Variants in HGF observed in about 807,000 individuals in gnomAD.
HGF encodes the protein hepatocyte growth factor.
HGF carries 39 observed loss-of-function variants against 111.6 expected under a neutral mutation model. The ratio of observed to expected loss-of-function variants is 0.35; its 90% CI spans 0.27 to 0.46. The LOEUF (loss-of-function observed/expected upper bound fraction) is 0.46, where lower values mean the gene tolerates loss of function less well. Ranked by LOEUF, HGF falls within the 20% of genes least tolerant of loss-of-function variation. The probability of loss-of-function intolerance (pLI) is 1.00; values close to 1 mark genes in which losing one functional copy is unlikely to be tolerated. For synonymous variants in HGF, 285 were observed against 294.8 expected (o/e 0.97, Z 0.34); for missense variants, 735 against 910.5 (o/e 0.81, Z 2.48).
intron 7 of HGF, among the ~76,000 whole-genome samples, chr7:81,734,795 G>A (rs993872048): frequency 6.6e-6 from 1 of 152,088 alleles, no homozygotes; most frequent in Non-Finnish European, 1.5e-5. Flanking sequence ...TGAATGATAA[G>A]TAAATGCTTA....
chr7:81,706,976 A>C (rs1789444583), intron 14 of HGF, among the ~76,000 whole-genome samples: 1 of 151,228 alleles, frequency 6.6e-6, no homozygotes, highest in Admixed American at 6.6e-5. Context: ...ACAATTTAGA[A>C]AAAAAAAAGA....
chr7:81,764,186 C>T (rs1219580273), intron 1 of HGF, among the ~76,000 whole-genome samples: 1 of 152,060 alleles, frequency 6.6e-6, no homozygotes, highest in Non-Finnish European at 1.5e-5. Context: ...AAAATGCCAT[C>T]ATACTCTAAG....
intron 14 of HGF, among the ~76,000 whole-genome samples, 193 bp from the exon 15 acceptor site, chr7:81,706,620 G>A (rs1385573895): frequency 6.6e-6 from 1 of 151,884 alleles, no homozygotes; most frequent in African/African-American, 2.4e-5. Flanking sequence ...GCAGAAAGAG[G>A]CTTTAAATTG....
At chr7:81,745,144 G>A (rs2116047634) in intron 5 of HGF, 24 bp from the exon 6 acceptor site, 1 of 1,612,338 alleles carries the variant, frequency 6.2e-7, no homozygotes. Context: ...AGTATGGCAT[G>A]TTAATTGTTT....
At chr7:81,720,976 T>C in intron 9 of HGF, 129 bp from the exon 10 acceptor site, 1 of 658,636 alleles carries the variant, frequency 1.5e-6, no homozygotes. Context: ...CTGGGTGCGG[T>C]GGCTCACGCC....
At chr7:81,759,836 A>G (rs913940979) in intron 2 of HGF, among the ~76,000 whole-genome samples, 3 of 152,226 alleles carry the variant, frequency 2.0e-5, no homozygotes, top group Admixed American at 2.0e-4. Flanking sequence ...AACATCTTAA[A>G]GAAAGTTATG....
chr7:81,719,966 G>A (rs994048989), intron 10 of HGF, among the ~76,000 whole-genome samples: 1 of 152,250 alleles, frequency 6.6e-6, no homozygotes, highest in East Asian at 1.9e-4. Flanking sequence ...TTGATCAAAT[G>A]ACTGTAACTT....
chr7:81,736,343 A>T (rs1480182704), intron 7 of HGF, among the ~76,000 whole-genome samples: 1 of 152,102 alleles, frequency 6.6e-6, no homozygotes, highest in Non-Finnish European at 1.5e-5. Flanking sequence ...TTAGTCACTT[A>T]GTAGCCTTCT....
Position 81,702,755 on chromosome 7 carries a change from C to T in HGF, c.2013G>A (p.Gly671=). The T allele has an allele frequency of 6.2e-7, 1 of 1,609,780 alleles. No homozygotes were observed. Among genetic ancestry groups the T allele is most frequent in the African/African-American group, 1.3e-5 (1 of 74,566 alleles). Residue 671 remains glycine, a splice_region_variant and synonymous_variant, in exon 18 of 18, where the codon GGG becomes GGA. Transcript: ENST00000222390. ...AEKIGSGPCE[G]DYGGPLVCEQ... ...CACAAACAAGTGGGCCACCATAATC[C>T]CCCTAGGAGTAAGACATACAAAAAC...
chr7:81,724,963 T>C (rs1246516428), intron 9 of HGF, among the ~76,000 whole-genome samples: 2 of 152,190 alleles, frequency 1.3e-5, no homozygotes, highest in Non-Finnish European at 2.9e-5. Flanking sequence ...CAATGGTGAT[T>C]TCCCTCAAAC....
chr7:81,700,126 A>T lies in HGF; in HGVS notation c.*2455T>A, dbSNP rs1394048529. The T allele has an allele frequency of 6.6e-6, 1 of 151,748 alleles. No homozygotes were observed. Among genetic ancestry groups the T allele is most frequent in the East Asian group, 1.9e-4 (1 of 5,182 alleles). 9.4% of individuals were successfully genotyped at this position (151,748 alleles called of 1,614,324 possible). A position where few individuals can be genotyped will look rare whatever the true frequency, so the allele number is the denominator to read the frequency against. On this transcript the variant is annotated 3_prime_UTR_variant, in exon 18 of 18. Coordinates refer to ENST00000222390, the MANE Select transcript of HGF (RefSeq NM_000601.6). ...GCATTGAAACCTTCTGATTTAAAAG[A>T]TCCTTTTGTCAATGACACAAAATAA...
intron 7 of HGF, among the ~76,000 whole-genome samples, chr7:81,730,544 T>C (rs1787614843): frequency 6.6e-6 from 1 of 152,166 alleles, no homozygotes; most frequent in South Asian, 2.1e-4. Flanking sequence ...AAAAAATCAG[T>C]TATTCCTAGG....
intron 11 of HGF, 142 bp downstream of exon 11, chr7:81,717,090 G>A: frequency 1.3e-6 from 1 of 745,002 alleles, no homozygotes; most frequent in Non-Finnish European, 2.4e-6. Flanking sequence ...TGTGTGTGTT[G>A]TGTACATTTG....
rs2115903831 is a variant in HGF, at chr7:81,725,928, C to T, written c.1130G>A (p.Cys377Tyr). The change falls in exon 9 of 18, where the codon TGC becomes TAC. Residue 377 changes from cysteine (C) to tyrosine (Y), a missense_variant. Coordinates refer to ENST00000222390, the MANE Select transcript of HGF (RefSeq NM_000601.6). The stretch of plus-strand genomic sequence containing the variant: ...CATATCACAGTTTGGAATTTGGGAG[C>T]AGTAGCCAACTCGGATGTTTGGATC... ...TTDPNIRVGY[C>Y]SQIPNCDMSH... 1 of 1,614,044 alleles carries T rather than the reference C, an allele frequency of 6.2e-7. No homozygotes were observed. The highest frequency in any genetic ancestry group is 8.5e-7 in the Non-Finnish European group (1 of 1,179,960).
intron 8 of HGF, among the ~76,000 whole-genome samples, chr7:81,727,853 A>G (rs1790060728): frequency 6.6e-6 from 1 of 152,324 alleles, no homozygotes; most frequent in Non-Finnish European, 1.5e-5. Flanking sequence ...ACCTCAATCA[A>G]TAATCTAGAT....
intron 11 of HGF, among the ~76,000 whole-genome samples, chr7:81,712,690 C>A (rs1274660262): frequency 6.6e-6 from 1 of 152,154 alleles, no homozygotes; most frequent in Non-Finnish European, 1.5e-5. Context: ...GCATAGAGTT[C>A]AGTCAGGCAC....
intron 7 of HGF, among the ~76,000 whole-genome samples, chr7:81,738,694 G>A (rs1323499149): frequency 6.6e-6 from 1 of 152,108 alleles, no homozygotes; most frequent in African/African-American, 2.4e-5. Flanking sequence ...GTATTCAAAC[G>A]TTGGCTGGCA....
chr7:81,755,995 C>T, intron 4 of HGF: 1 of 701,624 alleles, frequency 1.4e-6, no homozygotes, highest in South Asian at 1.5e-5. Flanking sequence ...GAAGAATCAT[C>T]TTGCAGAATT....
intron 15 of HGF, among the ~76,000 whole-genome samples, 167 bp from the exon 16 acceptor site, chr7:81,705,920 G>C (rs2115768605): frequency 6.7e-6 from 1 of 150,364 alleles, no homozygotes; most frequent in East Asian, 2.0e-4. Context: ...GATGACATTT[G>C]GAATAGGTAG....
Sources: allele counts gnomAD v4.1 joint callset (sites outside exome capture counted in the v4.1 genomes callset), GRCh38; gene constraint gnomAD v4.1.1; transcripts MANE v1.5; gene names NCBI Gene and HGNC (gene_info 2026-07-23, HGNC 2026-07-21).